Variants in WNK3 observed in about 807,000 individuals in gnomAD.
WNK3 encodes WNK lysine deficient protein kinase 3.
Under a neutral mutation model 116.7 loss-of-function variants are expected in WNK3, and 18 were observed. That is an observed-to-expected ratio of 0.15 (90% CI 0.11 to 0.23). The LOEUF is 0.23. Ranked by LOEUF, WNK3 falls within the 10% of genes least tolerant of loss-of-function variation. The pLI is 1.00. For synonymous variants in WNK3, 404 were observed against 469.4 expected, an observed-to-expected ratio of 0.86 and a Z score of 1.80; for missense variants, 993 against 1,323.8, an observed-to-expected ratio of 0.75 and a Z score of 3.88.
exon 1 of WNK3, chrX:54,357,695 G>C (rs1037997289): frequency 6.2e-5 from 7 of 112,243 alleles, no homozygotes; most frequent in Non-Finnish European, 1.1e-4. Flanking sequence ...CCAGATTAGA[G>C]GCTCTCGCAA....
At chrX:54,268,679 G>A (rs782504775) in intron 10 of WNK3, among the ~76,000 whole-genome samples, 20 of 110,874 alleles carry the variant, frequency 1.8e-4, no homozygotes, top group African/African-American at 6.5e-4. Context: ...GGACACAAAT[G>A]CTACCATGAA....
At chrX:54,232,825 A>G in exon 21 of WNK3, 2 of 1,211,022 alleles carry the variant, frequency 1.7e-6, no homozygotes, top group Non-Finnish European at 2.2e-6. Context: ...CAACTATGCC[A>G]TTGTCCACAT....
At chrX:54,301,523 T>A (rs1478825479) in intron 6 of WNK3, among the ~76,000 whole-genome samples, 3 of 111,095 alleles carry the variant, frequency 2.7e-5, no homozygotes, top group Non-Finnish European at 3.8e-5. Flanking sequence ...CTGAAGGTGA[T>A]GAAAGCTTGT....
At chrX:54,309,225 C>T (rs1338334068) in exon 4 of WNK3, 1 of 1,208,691 alleles carries the variant, frequency 8.3e-7, no homozygotes, top group Non-Finnish European at 1.1e-6. Flanking sequence ...TAGGAGGAGT[C>T]CTAGTGTGCA....
intron 10 of WNK3, among the ~76,000 whole-genome samples, 163 bp from the exon 11 acceptor site, chrX:54,259,501 T>C (rs2068234090): frequency 8.9e-6 from 1 of 111,994 alleles, no homozygotes; most frequent in East Asian, 2.8e-4. Flanking sequence ...ATTAACATTA[T>C]TACCAAAGAT....
rs782080677 is a variant in WNK3 at position 54,266,717 on chromosome X, T to TTATA, written c.2038-7383_2038-7380dup. ...CATGCCCAGCTAACTTTTAATTTAT[T>TTATA]TATATATATATATATAATTTTATTT... On this transcript the variant is annotated intron_variant, in intron 10 of 23. Coordinates refer to ENST00000354646, the Ensembl canonical transcript of WNK3. Among the ~76,000 whole-genome samples the TTATA allele has an allele frequency of 4.4e-3, 472 of 107,891 alleles. 1 individual carries two copies. Among genetic ancestry groups the TTATA allele is most frequent in the African/African-American group, 0.015 (441 of 29,873 alleles). 93.7% of individuals were successfully genotyped at this position (107,891 alleles called of 115,157 possible).
chrX:54,222,951 C>T (rs1321741153), intron 22 of WNK3, among the ~76,000 whole-genome samples: 1 of 85,964 alleles, frequency 1.2e-5, no homozygotes, highest in Non-Finnish European at 2.2e-5. Flanking sequence ...AAAAAAGACA[C>T]AATAGAATTT....
At chrX:54,277,876 T>G (rs1271467010) in intron 10 of WNK3, among the ~76,000 whole-genome samples, 3 of 110,485 alleles carry the variant, frequency 2.7e-5, no homozygotes, top group Non-Finnish European at 5.7e-5. Flanking sequence ...GTGGACCGCT[T>G]GAGCCCGGGA....
At chrX:54,352,890 A>G (rs1389121531) in intron 1 of WNK3, among the ~76,000 whole-genome samples, 2 of 112,347 alleles carry the variant, frequency 1.8e-5, no homozygotes, top group Non-Finnish European at 3.7e-5. Context: ...AATAATACTC[A>G]GCCATAAAAA....
chrX:54,302,721 C>G (rs2068772519), intron 5 of WNK3, among the ~76,000 whole-genome samples: 2 of 31,920 alleles, frequency 6.3e-5, no homozygotes, highest in South Asian at 3.7e-3. Context: ...CTCTCTCTCT[C>G]TCTCTCTCTC....
intron 5 of WNK3, among the ~76,000 whole-genome samples, chrX:54,307,577 T>C (rs918852833): frequency 2.7e-5 from 3 of 111,812 alleles, no homozygotes; most frequent in Non-Finnish European, 5.6e-5. Flanking sequence ...GAATGCCCTT[T>C]CATAAAAAGG....
chrX:54,289,304 G>T (rs1233006527), intron 10 of WNK3, among the ~76,000 whole-genome samples: 1 of 111,090 alleles, frequency 9.0e-6, no homozygotes, highest in Non-Finnish European at 1.9e-5. Context: ...AGTGGAGCCT[G>T]AATTGAGTAA....
At chrX:54,331,296 T>G (rs1200856738) in intron 2 of WNK3, among the ~76,000 whole-genome samples, 4 of 104,168 alleles carry the variant, frequency 3.8e-5, no homozygotes, top group Non-Finnish European at 7.7e-5. Context: ...TAAATAAATA[T>G]ACACTTACAG....
intron 5 of WNK3, among the ~76,000 whole-genome samples, chrX:54,306,538 C>A (rs782413332): frequency 4.5e-5 from 5 of 111,221 alleles, no homozygotes; most frequent in Admixed American, 9.6e-5. Context: ...AATAAACCAG[C>A]ACAGAAAGAC....
chrX:54,301,766 C>A lies in WNK3; in HGVS notation c.1178+5G>T, dbSNP rs1557167517. ...GTTATGTCATTTTGCTACAATTGCA[C>A]CCACCTTTCAGATTTGTTTTGACGA... On this transcript the variant is annotated splice_donor_5th_base_variant and intron_variant, in intron 6 of 23. Transcript: ENST00000354646. 1 of 1,197,957 alleles carries A rather than the reference C, an allele frequency of 8.3e-7. No individual in the cohort carries two copies. The highest frequency in any genetic ancestry group is 1.8e-5 in the African/African-American group (1 of 56,933).
chrX:54,358,709 T>C (rs1475105500), upstream of WNK3: 2 of 112,923 alleles, frequency 1.8e-5, no homozygotes, highest in African/African-American at 6.4e-5. Context: ...AGGGAAGCTA[T>C]GAAACTGATT....
At chrX:54,338,686 G>A (rs2069276702) in intron 1 of WNK3, among the ~76,000 whole-genome samples, 2 of 110,061 alleles carry the variant, frequency 1.8e-5, no homozygotes, top group Admixed American at 2.0e-4. Context: ...TCTAACACCT[G>A]GCTTCCCAAA....
exon 14 of WNK3, chrX:54,251,533 T>C (rs782284763): frequency 3.3e-6 from 4 of 1,208,081 alleles, no homozygotes; most frequent in Non-Finnish European, 4.5e-6. Flanking sequence ...TGTTCTCACC[T>C]GGCTACTGTT....
intron 17 of WNK3, among the ~76,000 whole-genome samples, chrX:54,243,348 G>C (rs1194622235): frequency 1.9e-5 from 2 of 104,015 alleles, no homozygotes; most frequent in Non-Finnish European, 3.9e-5. Flanking sequence ...GTGAACCCGG[G>C]AGGCGGAGCT....
Sources: gnomAD v4.1 joint callset for allele counts (sites outside exome capture counted in the v4.1 genomes callset) on GRCh38, gnomAD v4.1.1 for gene constraint, MANE v1.5 for transcripts, NCBI Gene and HGNC (gene_info 2026-07-23, HGNC 2026-07-21) for gene names.